PPP1R21: variants seen among roughly 807,000 people sequenced by gnomAD.
PPP1R21 encodes the protein KLRAQ motif containing 1.
Under a neutral mutation model 112.8 loss-of-function variants are expected in PPP1R21, and 85 were observed. The observed-to-expected ratio is 0.75, with a 90% confidence interval of 0.63 to 0.90. The LOEUF (loss-of-function observed/expected upper bound fraction) is 0.90. PPP1R21 is among the 40% of genes least tolerant of loss of function. The pLI, the probability that PPP1R21 is intolerant of heterozygous loss-of-function variation, is 0.00. For synonymous variants in PPP1R21, 381 were observed against 322.3 expected (o/e 1.18, Z -1.95); for missense variants, 1,199 against 901.5 (o/e 1.33, Z -4.23).
At position 48,498,360 on chromosome 2, in the gene PPP1R21, C is replaced by G. The variant is rs995911847; in HGVS notation, c.1693-133C>G. The stretch of plus-strand genomic sequence containing the variant: ...CATGTCTAATAAATCTCTTCCTATT[C>G]GAGGGTCAAACTTTATTATTATATT... On this transcript the variant is annotated intron_variant, in intron 16 of 21. Transcript: ENST00000294952. The G allele has an allele frequency of 5.2e-6, 4 of 763,086 alleles. No homozygotes were observed. The East Asian group carries it at 1.1e-4, about 21-fold the overall frequency. The allele number at this position is 763,086 out of a possible 1,614,324, so 47.3% of individuals were successfully genotyped here. A position where few individuals can be genotyped will look rare whatever the true frequency, so the allele number is the denominator to read the frequency against.
chr2:48,454,287 T>G (rs1040147708), intron 2 of PPP1R21, among the ~76,000 whole-genome samples: 2 of 151,982 alleles, frequency 1.3e-5, no homozygotes, highest in African/African-American at 4.8e-5. Context: ...AATAAATAAA[T>G]AAATCAAATA....
intron 7 of PPP1R21, among the ~76,000 whole-genome samples, chr2:48,463,272 G>T (rs1218942477): frequency 2.0e-5 from 3 of 152,178 alleles, no homozygotes; most frequent in African/African-American, 7.2e-5. Context: ...GAGGGGAGCT[G>T]TGGAAACGGG....
chr2:48,446,150 C>T (rs954927473), intron 1 of PPP1R21, among the ~76,000 whole-genome samples: 3 of 152,188 alleles, frequency 2.0e-5, no homozygotes, highest in African/African-American at 7.2e-5. Context: ...GTGGTTCTAA[C>T]ACAAGATTGT....
At chr2:48,459,473 G>A (rs1450194880) in intron 4 of PPP1R21, among the ~76,000 whole-genome samples, 1 of 152,112 alleles carries the variant, frequency 6.6e-6, no homozygotes, top group Non-Finnish European at 1.5e-5. Context: ...CTTTGGAGTA[G>A]GTTTCCTGTG....
At chr2:48,469,490 T>TATATATATATAGAGC in intron 9 of PPP1R21, among the ~76,000 whole-genome samples, 1 of 40,966 alleles carries the variant, frequency 2.4e-5, no homozygotes. Context: ...ATATAGAGCA[T>TATATATATATAGAGC]ATATATATAT....
intron 13 of PPP1R21, among the ~76,000 whole-genome samples, chr2:48,486,061 C>G (rs913038108): frequency 6.6e-6 from 1 of 150,910 alleles, no homozygotes; most frequent in African/African-American, 2.4e-5. Flanking sequence ...AACCACAGGC[C>G]TTTATTGTAC....
intron 13 of PPP1R21, 136 bp from the exon 14 acceptor site, chr2:48,486,495 C>T: frequency 3.1e-6 from 2 of 646,044 alleles, no homozygotes; most frequent in Non-Finnish European, 5.3e-6. Context: ...TCAGTGCAAT[C>T]CTGACACTTG....
intron 1 of PPP1R21, among the ~76,000 whole-genome samples, chr2:48,450,338 G>A (rs1385154975): frequency 6.6e-6 from 1 of 152,194 alleles, no homozygotes; most frequent in African/African-American, 2.4e-5. Flanking sequence ...CCACTTCACA[G>A]GATTGTGAGG....
intron 13 of PPP1R21, among the ~76,000 whole-genome samples, chr2:48,483,084 G>T (rs1476739414): frequency 1.3e-5 from 2 of 151,544 alleles, no homozygotes; most frequent in African/African-American, 4.9e-5. Context: ...ATGGCTTCTG[G>T]CTCCATCCAT....
At chr2:48,467,125 G>C (rs1023774516) in intron 9 of PPP1R21, among the ~76,000 whole-genome samples, 2 of 152,146 alleles carry the variant, frequency 1.3e-5, no homozygotes, top group Admixed American at 6.6e-5. Flanking sequence ...CCTTCCTGCT[G>C]AGTTATGGAG....
At chr2:48,490,521 T>A (rs1190983810) in intron 14 of PPP1R21, among the ~76,000 whole-genome samples, 1 of 152,188 alleles carries the variant, frequency 6.6e-6, no homozygotes, top group Non-Finnish European at 1.5e-5. Flanking sequence ...TCCACTGAAT[T>A]TTCAGTCTTT....
chr2:48,445,257 C>G (rs1404943331), intron 1 of PPP1R21, among the ~76,000 whole-genome samples: 1 of 147,698 alleles, frequency 6.8e-6, no homozygotes, highest in East Asian at 2.0e-4. Flanking sequence ...TGAAAATGTT[C>G]TGTATCTGTG....
intron 1 of PPP1R21, among the ~76,000 whole-genome samples, chr2:48,447,566 G>A (rs888764664): frequency 2.6e-5 from 4 of 152,216 alleles, no homozygotes; most frequent in African/African-American, 9.6e-5. Context: ...GTGACCATCC[G>A]GTAATCTTAT....
In PPP1R21 at chr2:48,471,103, A is replaced by T. The variant is rs774652053; in HGVS notation, c.914A>T (p.His305Leu). ...CCTGTTTAGTTCTCACAATACCTTC[A>T]TGAAAATGCGTCCTATGTCCGCCCT... is the stretch of plus-strand genomic sequence containing the variant. The part of the protein sequence containing the change: ...PLNQKFSQYL[H>L]ENASYVRPLE... The change falls in exon 10 of 22, where the codon CAT becomes CTT. Residue 305 changes from histidine (H) to leucine (L), a missense_variant. Coordinates refer to ENST00000294952, the MANE Select transcript of PPP1R21 (RefSeq NM_001135629.3). The T allele has an allele frequency of 4.3e-6, 7 of 1,610,506 alleles. No individual in the cohort carries two copies. The highest frequency in any genetic ancestry group is 5.9e-6 in the Non-Finnish European group (7 of 1,176,754).
chr2:48,459,005 T>C (rs1176043533), intron 4 of PPP1R21, among the ~76,000 whole-genome samples: 1 of 145,158 alleles, frequency 6.9e-6, no homozygotes, highest in East Asian at 2.0e-4. Context: ...GGCAGGAGAA[T>C]GGCGTGAACC....
intron 16 of PPP1R21, 97 bp downstream of exon 16, chr2:48,495,868 G>A: frequency 1.4e-6 from 1 of 711,824 alleles, no homozygotes; most frequent in Admixed American, 2.3e-5. Context: ...TCAAAAGTCT[G>A]CATAAATAAA....
chr2:48,462,187 C>G (rs982354491), intron 7 of PPP1R21, among the ~76,000 whole-genome samples: 5 of 152,138 alleles, frequency 3.3e-5, no homozygotes, highest in Admixed American at 1.3e-4. Flanking sequence ...AGTTGTCACC[C>G]TGTTTTAGGT....
intron 7 of PPP1R21, among the ~76,000 whole-genome samples, chr2:48,463,502 G>A (rs1001856671): frequency 1.3e-5 from 2 of 152,138 alleles, no homozygotes; most frequent in Non-Finnish European, 1.5e-5. Context: ...AATGGGTGCT[G>A]AGGAAATAGG....
intron 12 of PPP1R21, among the ~76,000 whole-genome samples, chr2:48,475,536 T>G (rs1370615042): frequency 6.6e-6 from 1 of 152,012 alleles, no homozygotes; most frequent in African/African-American, 2.4e-5. Context: ...TTGTTCCCCT[T>G]TGGCCTAACT....
Sources: gnomAD v4.1 joint callset for allele counts (sites outside exome capture counted in the v4.1 genomes callset) on GRCh38, gnomAD v4.1.1 for gene constraint, MANE v1.5 for transcripts, NCBI Gene and HGNC (gene_info 2026-07-23, HGNC 2026-07-21) for gene names.